The following MAPK4 variants were observed in gnomAD, a reference collection of about 807,000 sequenced individuals.
MAPK4 encodes the protein mitogen-activated protein kinase 4.
MAPK4 carries 22 observed loss-of-function variants against 47.7 expected under a neutral mutation model. That is an observed-to-expected ratio of 0.46 (90% CI 0.33 to 0.66). MAPK4 has a LOEUF of 0.66. Among genes scored for constraint, MAPK4 ranks in the 30% least tolerant of loss-of-function variants. The pLI, the probability that MAPK4 is intolerant of heterozygous loss-of-function variation, is 0.02. For synonymous variants in MAPK4, 390 were observed against 365.7 expected (o/e 1.07, Z -0.76); for missense variants, 736 against 831.7 (o/e 0.88, Z 1.42).
intron 1 of MAPK4, among the ~76,000 whole-genome samples, chr18:50,578,990 G>A (rs1482073590): frequency 6.6e-6 from 1 of 152,218 alleles, no homozygotes; most frequent in East Asian, 1.9e-4. Context: ...AGCCTCGCAT[G>A]GAGAACCATA....
rs565888289 is a variant in MAPK4, at chr18:50,713,583, C to T, written c.547-1496C>T. ...TATGCGCAGTAGCTGCATAACAAGA[C>T]ACAGCTGCTGCCCATGAGGGGCGCA... On this transcript the variant is annotated intron_variant, in intron 2 of 5. Transcript: ENST00000400384. 2.4e-4 allele frequency among the ~76,000 whole-genome samples: 37 copies of T among 152,302 alleles called. No individual in the cohort carries two copies. The South Asian group carries it at 7.7e-3, about 32-fold the overall frequency.
At chr18:50,609,395 C>T (rs547686764) in intron 1 of MAPK4, among the ~76,000 whole-genome samples, 2 of 151,226 alleles carry the variant, frequency 1.3e-5, no homozygotes, top group African/African-American at 2.4e-5. Flanking sequence ...GGCTGCCCCC[C>T]GCCTCCCTCC....
chr18:50,720,464 G>T (rs574494410), intron 3 of MAPK4, among the ~76,000 whole-genome samples: 4 of 152,012 alleles, frequency 2.6e-5, no homozygotes, highest in African/African-American at 9.7e-5. Context: ...CTTGCTTTCC[G>T]CCCCAGGCCA....
intron 1 of MAPK4, among the ~76,000 whole-genome samples, chr18:50,610,118 C>T (rs2042619488): frequency 6.6e-6 from 1 of 152,224 alleles, no homozygotes; most frequent in Admixed American, 6.5e-5. Context: ...CAGAACCACA[C>T]CATTTACTTT....
chr18:50,571,474 A>G (rs2042249282), intron 1 of MAPK4, among the ~76,000 whole-genome samples: 1 of 152,204 alleles, frequency 6.6e-6, no homozygotes, highest in African/African-American at 2.4e-5. Context: ...ATGGCCAGAA[A>G]GCCCTACCAG....
chr18:50,641,043 G>A (rs1327950747), intron 1 of MAPK4, among the ~76,000 whole-genome samples: 12 of 152,156 alleles, frequency 7.9e-5, no homozygotes, highest in Admixed American at 7.9e-4. Context: ...CAGAAGATCC[G>A]CATCAGCTGT....
intron 1 of MAPK4, among the ~76,000 whole-genome samples, chr18:50,560,997 G>A (rs781363462): frequency 3.3e-5 from 5 of 152,278 alleles, no homozygotes; most frequent in Admixed American, 2.0e-4. Context: ...TGAAGCCGGG[G>A]TGGGCGGATG....
At chr18:50,592,369 G>A (rs2149367993) in intron 1 of MAPK4, among the ~76,000 whole-genome samples, 2 of 152,248 alleles carry the variant, frequency 1.3e-5, no homozygotes, top group South Asian at 4.2e-4. Flanking sequence ...TCACTGATGT[G>A]GAATTGAGGA....
intron 1 of MAPK4, among the ~76,000 whole-genome samples, chr18:50,653,831 G>A (rs2144217961): frequency 6.6e-6 from 1 of 152,362 alleles, no homozygotes; most frequent in Non-Finnish European, 1.5e-5. Context: ...GTTGGACTGT[G>A]TGCCTGGGGA....
chr18:50,695,847 T>C (rs572572090), intron 2 of MAPK4, among the ~76,000 whole-genome samples: 1 of 152,310 alleles, frequency 6.6e-6, no homozygotes, highest in East Asian at 1.9e-4. Context: ...AGCTGGGAGC[T>C]TCTCCTACAT....
chr18:50,580,310 A>G (rs2042332308), intron 1 of MAPK4, among the ~76,000 whole-genome samples: 1 of 152,192 alleles, frequency 6.6e-6, no homozygotes, highest in African/African-American at 2.4e-5. Context: ...CAAAACCAAC[A>G]CAGTAGATGT....
intron 2 of MAPK4, among the ~76,000 whole-genome samples, chr18:50,709,071 A>G (rs779258891): frequency 1.3e-5 from 2 of 152,176 alleles, no homozygotes; most frequent in Non-Finnish European, 2.9e-5. Context: ...CTCCTCTTCT[A>G]CATGACAGCC....
chr18:50,663,736 T>C lies in MAPK4; in HGVS notation c.-223T>C. 2.1e-6 allele frequency: 1 copy of C among 477,344 alleles called. No homozygotes were observed. The allele number at this position is 477,344 out of a possible 1,614,324, so 29.6% of individuals were successfully genotyped here. On this transcript the variant is annotated 5_prime_UTR_variant, in exon 2 of 6. Transcript: ENST00000400384. ...AGTAGACAGCCCTCCCAATGCAGGT[T>C]AAGACGACAGCCTGCGCCCCCAACT...
chr18:50,609,324 C>T (rs1186296757), intron 1 of MAPK4, among the ~76,000 whole-genome samples: 15 of 151,202 alleles, frequency 9.9e-5, no homozygotes, highest in African/African-American at 2.4e-4. Context: ...ACCTCCCGGG[C>T]GGGGCGGCGG....
intron 1 of MAPK4, among the ~76,000 whole-genome samples, chr18:50,588,141 A>G (rs182135784): frequency 1.3e-5 from 2 of 152,250 alleles, no homozygotes; most frequent in East Asian, 3.9e-4. Flanking sequence ...TAAAATAACA[A>G]TGATTTATTA....
At chr18:50,615,817 T>G (rs1309746620) in intron 1 of MAPK4, among the ~76,000 whole-genome samples, 1 of 152,186 alleles carries the variant, frequency 6.6e-6, no homozygotes. Context: ...GAGCTTTGAA[T>G]GGTTTTAAGC....
chr18:50,648,791 G>T (rs930997430), intron 1 of MAPK4, among the ~76,000 whole-genome samples: 1 of 152,164 alleles, frequency 6.6e-6, no homozygotes, highest in African/African-American at 2.4e-5. Context: ...CTTTACTGTA[G>T]CCTCACCCCT....
At chr18:50,612,765 T>C (rs564007744) in intron 1 of MAPK4, among the ~76,000 whole-genome samples, 8 of 152,314 alleles carry the variant, frequency 5.3e-5, no homozygotes, top group African/African-American at 1.9e-4. Flanking sequence ...CATTGTGAAA[T>C]GTCTTCTCTA....
chr18:50,700,092 ACCC>A (rs1909707306), intron 2 of MAPK4, among the ~76,000 whole-genome samples: 1 of 152,042 alleles, frequency 6.6e-6, no homozygotes, highest in Admixed American at 6.6e-5. Context: ...GCCCCTCTCC[ACCC>A]CCTGGAAGTT....
Sources: gnomAD v4.1 joint callset for allele counts (sites outside exome capture counted in the v4.1 genomes callset) on GRCh38, gnomAD v4.1.1 for gene constraint, MANE v1.5 for transcripts, NCBI Gene and HGNC (gene_info 2026-07-23, HGNC 2026-07-21) for gene names.